UBE2E2: variants seen among roughly 807,000 people sequenced by gnomAD.
UBE2E2 encodes the protein ubiquitin-conjugating enzyme E2 E2.
In UBE2E2, 6 loss-of-function variants were observed where a neutral mutation model predicts 24.7. That is an observed-to-expected ratio of 0.24 (90% CI 0.13 to 0.48). The LOEUF (loss-of-function observed/expected upper bound fraction) is 0.48. Among genes scored for constraint, UBE2E2 ranks in the 20% least tolerant of loss-of-function variants. The pLI is 0.99. For synonymous variants in UBE2E2, 104 were observed against 83.6 expected (o/e 1.24, Z -1.33); for missense variants, 169 against 245.0 (o/e 0.69, Z 2.07).
At chr3:23,409,466 A>G (rs958561468) in intron 3 of UBE2E2, among the ~76,000 whole-genome samples, 19 of 152,166 alleles carry the variant, frequency 1.2e-4, no homozygotes, top group Non-Finnish European at 2.4e-4. Context: ...GCTCTTACTG[A>G]GTAGGAGAAG....
At chr3:23,536,453 T>C (rs1695266419) in intron 5 of UBE2E2, among the ~76,000 whole-genome samples, 1 of 152,232 alleles carries the variant, frequency 6.6e-6, no homozygotes, top group Non-Finnish European at 1.5e-5. Flanking sequence ...TCTGCTCTAC[T>C]ACTGTTACTC....
At chr3:23,293,019 GCCAAGATTGCA>G (rs1340364654) in intron 3 of UBE2E2, among the ~76,000 whole-genome samples, 6 of 152,218 alleles carry the variant, frequency 3.9e-5, no homozygotes. Flanking sequence ...ATTGCAGTGA[GCCAAGATTGCA>G]CCATTGCACT....
intron 3 of UBE2E2, among the ~76,000 whole-genome samples, chr3:23,221,399 T>G (rs1696636147): frequency 6.6e-6 from 1 of 152,204 alleles, no homozygotes; most frequent in Admixed American, 6.5e-5. Context: ...TTGCAATATT[T>G]TGATACCTCC....
chr3:23,281,098 G>C (rs1417465868), intron 3 of UBE2E2, among the ~76,000 whole-genome samples: 2 of 152,136 alleles, frequency 1.3e-5, no homozygotes, highest in African/African-American at 4.8e-5. Flanking sequence ...TATAACCTCA[G>C]TTACTTCCAA....
At chr3:23,466,033 C>T (rs906094865) in intron 3 of UBE2E2, among the ~76,000 whole-genome samples, 5 of 151,984 alleles carry the variant, frequency 3.3e-5, no homozygotes, top group African/African-American at 1.2e-4. Flanking sequence ...ATTAGGATGC[C>T]ACCTATAAAG....
intron 3 of UBE2E2, among the ~76,000 whole-genome samples, chr3:23,464,373 A>G (rs1012804098): frequency 6.6e-6 from 1 of 152,194 alleles, no homozygotes; most frequent in Non-Finnish European, 1.5e-5. Context: ...TATTGGTTGC[A>G]GTATAGAAAG....
intron 5 of UBE2E2, among the ~76,000 whole-genome samples, chr3:23,540,533 T>G (rs968761302): frequency 6.6e-6 from 1 of 152,050 alleles, no homozygotes; most frequent in African/African-American, 2.4e-5. Flanking sequence ...GCCTCCTGAG[T>G]AGCTGAGATT....
intron 3 of UBE2E2, among the ~76,000 whole-genome samples, chr3:23,337,907 C>G (rs1695254804): frequency 6.6e-6 from 1 of 152,072 alleles, no homozygotes; most frequent in African/African-American, 2.4e-5. Context: ...AAAGGCTAAG[C>G]CCCTGGAGAT....
chr3:23,434,221 A>C (rs1698131061), intron 3 of UBE2E2, among the ~76,000 whole-genome samples: 1 of 152,122 alleles, frequency 6.6e-6, no homozygotes, highest in Admixed American at 6.5e-5. Flanking sequence ...ACAATCATCC[A>C]CTTTAAACTA....
intron 3 of UBE2E2, among the ~76,000 whole-genome samples, chr3:23,384,254 C>T (rs866062005): frequency 2.0e-5 from 3 of 152,172 alleles, no homozygotes; most frequent in African/African-American, 7.2e-5. Flanking sequence ...CCTCGACCTC[C>T]TGGGCTCAAC....
intron 3 of UBE2E2, among the ~76,000 whole-genome samples, chr3:23,359,073 C>T (rs888412767): frequency 6.6e-6 from 1 of 152,118 alleles, no homozygotes; most frequent in African/African-American, 2.4e-5. Flanking sequence ...ATCTCATTGC[C>T]GTTTTTGACT....
chr3:23,329,447 C>T (rs1020823605), intron 3 of UBE2E2, among the ~76,000 whole-genome samples: 3 of 152,192 alleles, frequency 2.0e-5, no homozygotes, highest in Admixed American at 6.5e-5. Flanking sequence ...GAATAGTAGG[C>T]AGACAGTTGG....
chr3:23,576,620 A>G (rs1696353202), intron 5 of UBE2E2, among the ~76,000 whole-genome samples: 2 of 152,160 alleles, frequency 1.3e-5, no homozygotes, highest in Admixed American at 1.3e-4. Flanking sequence ...TGTGCTATAT[A>G]TGGCTGTTGT....
Position 23,298,207 on chromosome 3 carries a change from T to A in UBE2E2, c.227+80895T>A, listed in dbSNP as rs568391991. On this transcript the variant is annotated intron_variant, in intron 3 of 5. Transcript: ENST00000396703. ...TTTGGGCTGAGACAGCGGGATTTTCTAGATATACAATCATGTCGTCTGCAA... is the reference window on the plus strand; with the variant it reads ...TTTGGGCTGAGACAGCGGGATTTTCAAGATATACAATCATGTCGTCTGCAA... 1.7e-3 allele frequency among the ~76,000 whole-genome samples: 265 copies of A among 152,348 alleles called. 2 individuals are homozygous for A. Among genetic ancestry groups the A allele is most frequent in the African/African-American group, 6.0e-3 (249 of 41,582 alleles).
rs1000136003 is a variant in UBE2E2, at chr3:23,208,945, C to T, written c.176+70C>T. On this transcript the variant is annotated intron_variant, in intron 2 of 5. Transcript: ENST00000396703. ...CATCTTAAGTTCTATTTTTCTCTTG[C>T]ATTTAATCATTTTTTCTGGGATGTC... The T allele has an allele frequency of 3.6e-6, 5 of 1,402,500 alleles. No individual in the cohort carries two copies. The African/African-American group carries it at 7.4e-5, about 21-fold the overall frequency. 86.9% of individuals were successfully genotyped at this position (1,402,500 alleles called of 1,614,324 possible).
At chr3:23,519,055 C>T (rs1490406713) in intron 4 of UBE2E2, among the ~76,000 whole-genome samples, 1 of 152,152 alleles carries the variant, frequency 6.6e-6, no homozygotes, top group East Asian at 1.9e-4. Context: ...AGACCAGCTC[C>T]TCAGTTTGTC....
intron 3 of UBE2E2, among the ~76,000 whole-genome samples, chr3:23,269,386 G>C (rs888466438): frequency 6.6e-6 from 1 of 152,194 alleles, no homozygotes; most frequent in Non-Finnish European, 1.5e-5. Flanking sequence ...GAGTTGGCGT[G>C]TAGCGTTAAA....
intron 3 of UBE2E2, among the ~76,000 whole-genome samples, chr3:23,380,145 A>G (rs1251165614): frequency 1.3e-5 from 2 of 151,796 alleles, no homozygotes; most frequent in Non-Finnish European, 2.9e-5. Context: ...TTTAAAAAAA[A>G]TCATTTTGTT....
intron 3 of UBE2E2, among the ~76,000 whole-genome samples, chr3:23,370,912 T>C (rs1486364416): frequency 6.6e-6 from 1 of 152,130 alleles, no homozygotes; most frequent in African/African-American, 2.4e-5. Flanking sequence ...AAAAGAAAAA[T>C]GAGGCTGTTG....
Sources: allele counts gnomAD v4.1 joint callset (sites outside exome capture counted in the v4.1 genomes callset), GRCh38; gene constraint gnomAD v4.1.1; transcripts MANE v1.5; gene names NCBI Gene and HGNC (gene_info 2026-07-23, HGNC 2026-07-21).